Variants in LMLN observed in about 807,000 individuals in gnomAD.
The protein encoded by LMLN is leishmanolysin-like peptidase.
In LMLN, 70 loss-of-function variants were observed where a neutral mutation model predicts 92.3. The ratio of observed to expected loss-of-function variants is 0.76; its 90% confidence interval spans 0.63 to 0.92. The LOEUF (loss-of-function observed/expected upper bound fraction) is 0.92, where lower values mean the gene tolerates loss of function less well. Among genes scored for constraint, LMLN ranks in the 40% least tolerant of loss-of-function variants. LMLN has a pLI of 0.00. For synonymous variants in LMLN, 308 were observed against 296.2 expected, an observed-to-expected ratio of 1.04 and a Z score of -0.41; for missense variants, 691 against 814.6, an observed-to-expected ratio of 0.85 and a Z score of 1.85.
At chr3:198,017,461 G>T (rs565147629) in intron 11 of LMLN, among the ~76,000 whole-genome samples, 2 of 152,262 alleles carry the variant, frequency 1.3e-5, no homozygotes, top group East Asian at 3.9e-4. Context: ...TTAAAGTAAG[G>T]TTCTTTCTAT....
At chr3:197,972,033 C>T (rs556645347) in intron 1 of LMLN, among the ~76,000 whole-genome samples, 48 of 141,028 alleles carry the variant, frequency 3.4e-4, no homozygotes, top group African/African-American at 1.1e-3. Context: ...TTCACTGATG[C>T]TTCTGCCATC....
chr3:198,013,097 T>C (rs1164582407), intron 11 of LMLN, among the ~76,000 whole-genome samples: 5 of 135,694 alleles, frequency 3.7e-5, no homozygotes, highest in Admixed American at 1.4e-4. Flanking sequence ...CTCTCCACCC[T>C]TCAGAGCCCC....
rs1581173828 is a variant in LMLN, at chr3:198,019,147, G to C, written c.1233-106G>C. The C allele has an allele frequency of 1.4e-5, 15 of 1,109,316 alleles. No homozygotes were observed. The East Asian group carries it at 3.7e-4, about 27-fold the overall frequency. The allele number at this position is 1,109,316 out of a possible 1,614,324, so 68.7% of individuals were successfully genotyped here. ...AGAATCCCATTTGTTAATTATGAAG[G>C]TTTGTATTTTTAGGCCAGGATCTGG... On this transcript the variant is annotated intron_variant, in intron 11 of 15. Coordinates refer to ENST00000330198, the Ensembl canonical transcript of LMLN. The surrounding 1 kb of genome is among the most constrained non-coding windows in gnomAD (Gnocchi z 5.5).
intron 11 of LMLN, among the ~76,000 whole-genome samples, chr3:198,015,032 C>G (rs1161417731): frequency 2.7e-5 from 4 of 146,148 alleles, no homozygotes; most frequent in African/African-American, 1.0e-4. Context: ...TTCAGAGCCC[C>G]CTAACTAGTC....
chr3:198,030,901 C>T (rs563552655), intron 14 of LMLN, among the ~76,000 whole-genome samples: 15 of 151,896 alleles, frequency 9.9e-5, no homozygotes, highest in Non-Finnish European at 1.6e-4. Context: ...TCAGGGTCTT[C>T]AGCTAGTTTC....
chr3:198,013,621 G>A (rs1231934813), intron 11 of LMLN, among the ~76,000 whole-genome samples: 1 of 126,202 alleles, frequency 7.9e-6, no homozygotes, highest in Non-Finnish European at 1.6e-5. Context: ...ACCCTTCAGA[G>A]CCTCCTAACT....
exon 6 of LMLN, chr3:197,980,413 C>G (rs2109865511): frequency 6.2e-7 from 1 of 1,612,588 alleles, no homozygotes; most frequent in South Asian, 1.1e-5. Context: ...AGACTTTGTT[C>G]TTTACGTTGG....
exon 16 of LMLN, chr3:198,041,479 A>G (rs1210846397): frequency 6.6e-6 from 1 of 152,210 alleles, no homozygotes; most frequent in African/African-American, 2.4e-5. Context: ...ATGAAACATG[A>G]ATTTCATGTT....
At chr3:198,039,914 C>T (rs956677773) in exon 16 of LMLN, 9 of 151,944 alleles carry the variant, frequency 5.9e-5, no homozygotes, top group African/African-American at 1.4e-4. Context: ...ATGTGGAAGC[C>T]GAGAGAGTAA....
chr3:198,003,341 C>T (rs1218113197), intron 11 of LMLN, among the ~76,000 whole-genome samples: 1 of 152,112 alleles, frequency 6.6e-6, no homozygotes, highest in Non-Finnish European at 1.5e-5. Flanking sequence ...CAGTGAAGGG[C>T]CCACAGCCAT....
In LMLN at chr3:198,039,059, A is replaced by T. The variant is rs916528728; in HGVS notation, c.*392A>T. On this transcript the variant is annotated 3_prime_UTR_variant, in exon 16 of 16. Transcript: ENST00000330198. Reference sequence around the variant, plus strand: ...ACCAACCACTTTCATCTGCAACCCAACCACTTTCATCAGCAACTCAACACC... The same window carrying T: ...ACCAACCACTTTCATCTGCAACCCATCCACTTTCATCAGCAACTCAACACC... 4 of 188,926 alleles carry T rather than the reference A, an allele frequency of 2.1e-5. No individual in the cohort carries two copies. The allele number at this position is 188,926 out of a possible 1,614,324, so 11.7% of individuals were successfully genotyped here.
rs145885157 is a variant in LMLN, at chr3:197,988,743, G to A, written c.930-1816G>A. Among the ~76,000 whole-genome samples, 1,275 of 151,928 alleles carry A rather than the reference G, an allele frequency of 8.4e-3. 18 individuals carry two copies. The highest frequency in any genetic ancestry group is 0.028 in the African/African-American group (1,168 of 41,432). ...GTTACCCAGGCTGGAGTGCTGTGGC[G>A]CGATCTCGGCTCACTGCAACCTCCA... On this transcript the variant is annotated intron_variant, in intron 8 of 15. Coordinates refer to ENST00000330198, the Ensembl canonical transcript of LMLN.
chr3:197,960,308 G>C (rs200706585), exon 1 of LMLN: 17 of 1,613,792 alleles, frequency 1.1e-5, no homozygotes, highest in Non-Finnish European at 1.4e-5. Context: ...GGAGCCGGTG[G>C]CGCTGGAGCG....
intron 14 of LMLN, among the ~76,000 whole-genome samples, chr3:198,027,441 A>G (rs1396638730): frequency 5.3e-5 from 8 of 152,184 alleles, no homozygotes; most frequent in African/African-American, 1.9e-4. Context: ...GTGGCACTAA[A>G]TACATTCACG....
intron 15 of LMLN, 38 bp from the exon 17 acceptor site, chr3:198,038,528 AT>A: frequency 7.1e-7 from 1 of 1,400,744 alleles, no homozygotes; most frequent in Non-Finnish European, 1.0e-6. Flanking sequence ...TTATCCCAAA[AT>A]TGTTTATAGA....
chr3:198,028,285 A>C (rs1006430427), intron 14 of LMLN, among the ~76,000 whole-genome samples: 1 of 151,926 alleles, frequency 6.6e-6, no homozygotes, highest in Non-Finnish European at 1.5e-5. Context: ...CATCATCCGA[A>C]GTCCATGTTC....
chr3:198,019,198 G>C lies in LMLN; in HGVS notation c.1233-55G>C. ...AATTCCATTTGTTGGCTGTATAATG[G>C]ACTTGCAGTATTTTCTTTAAAGTTT... is the stretch of plus-strand genomic sequence containing the variant. On this transcript the variant is annotated intron_variant, in intron 11 of 15. Transcript: ENST00000330198. This position sits in a 1 kb window ranked among gnomAD's most constrained non-coding sequence, Gnocchi z 5.5. The C allele has an allele frequency of 6.5e-7, 1 of 1,535,306 alleles. No homozygotes were observed. The highest frequency in any genetic ancestry group is 8.8e-7 in the Non-Finnish European group (1 of 1,133,728).
At chr3:198,006,692 C>A (rs1722302560) in intron 11 of LMLN, among the ~76,000 whole-genome samples, 1 of 151,648 alleles carries the variant, frequency 6.6e-6, no homozygotes, top group Non-Finnish European at 1.5e-5. Flanking sequence ...GATAATATAT[C>A]CTCTTTGGCA....
At chr3:197,997,229 A>G (rs550504696) in intron 10 of LMLN, among the ~76,000 whole-genome samples, 3 of 152,156 alleles carry the variant, frequency 2.0e-5, no homozygotes, top group African/African-American at 7.2e-5. Context: ...TCCTGGGCTC[A>G]AATGCTTCTC....
Sources: allele counts gnomAD v4.1 joint callset (sites outside exome capture counted in the v4.1 genomes callset), GRCh38; gene constraint gnomAD v4.1.1; non-coding constraint Gnocchi (gnomAD v3.1); transcripts MANE v1.5; gene names NCBI Gene and HGNC (gene_info 2026-07-23, HGNC 2026-07-21).